The following GSE1 variants were observed in gnomAD, a reference collection of about 807,000 sequenced individuals.
The protein encoded by GSE1 is genetic suppressor element 1.
Under a neutral mutation model 112.6 loss-of-function variants are expected in GSE1, and 32 were observed. The ratio of observed to expected loss-of-function variants is 0.28; its 90% CI spans 0.21 to 0.38. The LOEUF (loss-of-function observed/expected upper bound fraction) is 0.38. Among genes scored for constraint, GSE1 ranks in the 10% least tolerant of loss-of-function variants. GSE1 has a pLI of 1.00. For missense variants in GSE1, 2,348 were observed against 1,699.2 expected (o/e 1.38, Z -6.71); for synonymous variants, 1,115 against 735.6 (o/e 1.52, Z -8.35).
At chr16:85,440,569 G>A (rs1024292319) in intron 2 of GSE1, among the ~76,000 whole-genome samples, 5 of 152,338 alleles carry the variant, frequency 3.3e-5, no homozygotes, top group Non-Finnish European at 7.3e-5. Context: ...ACACTGGGAG[G>A]ACCTGGGGTT....
chr16:85,664,899 G>A (rs751698286), intron 11 of GSE1, 116 bp from the exon 12 acceptor site: 62 of 683,060 alleles, frequency 9.1e-5, no homozygotes, highest in Non-Finnish European at 1.4e-4. Context: ...ACCTGCTTTT[G>A]GTTTTTCGGG....
chr16:85,634,749 C>G (rs966700375), intron 2 of GSE1, among the ~76,000 whole-genome samples: 1 of 152,196 alleles, frequency 6.6e-6, no homozygotes, highest in Non-Finnish European at 1.5e-5. Context: ...TCCTCTGAGC[C>G]TCATTTTTCC....
intron 2 of GSE1, among the ~76,000 whole-genome samples, chr16:85,548,822 A>G (rs1177563212): frequency 2.0e-5 from 3 of 152,022 alleles, no homozygotes; most frequent in Non-Finnish European, 4.4e-5. Flanking sequence ...ACGGAGTCTC[A>G]CTCTGTCACC....
chr16:85,179,353 C>T (rs2074534382), intron 1 of GSE1, among the ~76,000 whole-genome samples: 1 of 152,208 alleles, frequency 6.6e-6, no homozygotes, highest in East Asian at 1.9e-4. Flanking sequence ...CGTTTTGTGG[C>T]TAAGAACGCC....
intron 3 of GSE1, among the ~76,000 whole-genome samples, chr16:85,653,032 C>T (rs1274629685): frequency 6.6e-6 from 1 of 151,194 alleles, no homozygotes; most frequent in Non-Finnish European, 1.5e-5. Flanking sequence ...CTCTCAGACA[C>T]CCCCAGGTCA....
At chr16:85,521,793 A>G (rs979536098) in intron 2 of GSE1, among the ~76,000 whole-genome samples, 3 of 152,198 alleles carry the variant, frequency 2.0e-5, no homozygotes, top group African/African-American at 7.2e-5. Context: ...TTTCTGTCTG[A>G]GTGTTCTCAC....
At chr16:85,268,191 C>G (rs1414455639) in intron 1 of GSE1, among the ~76,000 whole-genome samples, 1 of 151,890 alleles carries the variant, frequency 6.6e-6, no homozygotes, top group African/African-American at 2.4e-5. Flanking sequence ...GAAGGGGCCA[C>G]AGCTCGTCTA....
chr16:85,615,388 G>T (rs1401295697), intron 1 of GSE1, among the ~76,000 whole-genome samples: 2 of 152,360 alleles, frequency 1.3e-5, no homozygotes, highest in Admixed American at 6.5e-5. Flanking sequence ...GCCCCGTGTC[G>T]GCAGCGTTCC....
exon 2 of GSE1, chr16:85,357,503 C>G (rs1467953304): frequency 2.4e-6 from 3 of 1,258,796 alleles, no homozygotes; most frequent in South Asian, 2.6e-5. Context: ...GCCAGCCACC[C>G]TCCCACCCGG....
chr16:85,199,558 G>T (rs1181577208), intron 1 of GSE1, among the ~76,000 whole-genome samples: 1 of 152,212 alleles, frequency 6.6e-6, no homozygotes, highest in Non-Finnish European at 1.5e-5. Context: ...GCTGCGAAAA[G>T]AGACACGTTT....
chr16:85,524,837 A>C (rs1471981893), intron 2 of GSE1, among the ~76,000 whole-genome samples: 1 of 152,144 alleles, frequency 6.6e-6, no homozygotes, highest in African/African-American at 2.4e-5. Context: ...CAGCCGGTCC[A>C]TGGTCCTGGG....
At position 85,346,707 on chromosome 16, in the gene GSE1, A is replaced by G. The variant is rs902892645; in HGVS notation, c.2284-10756A>G. 4.7e-4 allele frequency among the ~76,000 whole-genome samples: 69 copies of G among 147,624 alleles called. 1 individual carries two copies. The highest frequency in any genetic ancestry group is 6.3e-4 in the Non-Finnish European group (42 of 67,096). On this transcript the variant is annotated intron_variant, in intron 1 of 2. Coordinates refer to the GSE1 transcript ENST00000637419. Reference sequence around the variant, plus strand: ...GGATGGATGAGTGATTGACAGGTAGATGGATGGTGGATGAGTGGGTGGATG... The same window carrying G: ...GGATGGATGAGTGATTGACAGGTAGGTGGATGGTGGATGAGTGGGTGGATG...
chr16:85,174,503 CA>C (rs1464428761), intron 1 of GSE1, among the ~76,000 whole-genome samples: 1 of 152,250 alleles, frequency 6.6e-6, no homozygotes, highest in Non-Finnish European at 1.5e-5. Context: ...GCCGGAAATG[CA>C]GCCTTCTGGT....
chr16:85,561,408 G>T (rs564820783), intron 1 of GSE1, among the ~76,000 whole-genome samples: 1 of 152,056 alleles, frequency 6.6e-6, no homozygotes, highest in African/African-American at 2.4e-5. Flanking sequence ...GGCGTTGGCA[G>T]CGGCGCCCTC....
chr16:85,324,962 T>C (rs1408195222), intron 1 of GSE1, among the ~76,000 whole-genome samples: 1 of 152,150 alleles, frequency 6.6e-6, no homozygotes, highest in Non-Finnish European at 1.5e-5. Context: ...TCCCAATTCA[T>C]TTTTATTTTT....
intron 2 of GSE1, among the ~76,000 whole-genome samples, chr16:85,635,849 C>T (rs181103925): frequency 6.6e-6 from 1 of 152,344 alleles, no homozygotes; most frequent in Admixed American, 6.5e-5. Context: ...GGGCAGGTTT[C>T]CCTCCTCGCC....
At chr16:85,342,494 T>C (rs56181319) in intron 1 of GSE1, among the ~76,000 whole-genome samples, 91,120 of 151,908 alleles carry the variant, frequency 0.6, 27,884 homozygotes, top group East Asian at 0.91. Context: ...GGCCCACGCT[T>C]GAGCTGAGAG....
chr16:85,226,499 C>G (rs1322365548), intron 1 of GSE1, among the ~76,000 whole-genome samples: 3 of 152,316 alleles, frequency 2.0e-5, no homozygotes, highest in Non-Finnish European at 4.4e-5. Context: ...GCATGTGACT[C>G]TGCAGCCAGA....
intron 2 of GSE1, among the ~76,000 whole-genome samples, chr16:85,392,526 A>G (rs1378310650): frequency 6.6e-6 from 1 of 152,224 alleles, no homozygotes; most frequent in Non-Finnish European, 1.5e-5. Flanking sequence ...TGAGTATTCT[A>G]AAGCCCATCA....
Sources: allele counts gnomAD v4.1 joint callset (sites outside exome capture counted in the v4.1 genomes callset), GRCh38; gene constraint gnomAD v4.1.1; transcripts MANE v1.5; gene names NCBI Gene and HGNC (gene_info 2026-07-23, HGNC 2026-07-21).